The following RABGAP1L variants were observed in gnomAD, a reference collection of about 807,000 sequenced individuals.
The protein encoded by RABGAP1L is RAB GTPase activating protein 1 like.
In RABGAP1L, 63 loss-of-function variants were observed where a neutral mutation model predicts 137.7. The observed-to-expected ratio is 0.46, with a 90% CI of 0.37 to 0.56. RABGAP1L has a LOEUF of 0.56. Ranked by LOEUF, RABGAP1L falls within the 20% of genes least tolerant of loss-of-function variation. The pLI, the probability that RABGAP1L is intolerant of heterozygous loss-of-function variation, is 0.00. For synonymous variants in RABGAP1L, 431 were observed against 433.7 expected (o/e 0.99, Z 0.08); for missense variants, 1,095 against 1,244.0 (o/e 0.88, Z 1.80).
chr1:174,355,132 T>C (rs1356129067), intron 11 of RABGAP1L, among the ~76,000 whole-genome samples: 2 of 152,198 alleles, frequency 1.3e-5, no homozygotes, highest in African/African-American at 4.8e-5. Flanking sequence ...CAGAGGATTA[T>C]AAATCATACT....
chr1:174,533,829 C>T (rs1392374591), intron 13 of RABGAP1L, among the ~76,000 whole-genome samples: 2 of 152,036 alleles, frequency 1.3e-5, no homozygotes, highest in Non-Finnish European at 1.5e-5. Context: ...CGCCACCACA[C>T]CCAGCAAATT....
chr1:174,425,405 TG>T (rs532796453), intron 13 of RABGAP1L, among the ~76,000 whole-genome samples: 18 of 152,202 alleles, frequency 1.2e-4, no homozygotes, highest in Middle Eastern at 3.4e-3. Flanking sequence ...TGGGAGAAGC[TG>T]TGAATTTCTC....
intron 14 of RABGAP1L, among the ~76,000 whole-genome samples, chr1:174,654,949 A>ATT (rs11398019): frequency 1.3e-5 from 2 of 151,410 alleles, no homozygotes; most frequent in Non-Finnish European, 2.9e-5. Context: ...TTTTAAACTC[A>ATT]TTTTTTATGA....
At chr1:174,576,702 T>C (rs2148069264) in intron 13 of RABGAP1L, among the ~76,000 whole-genome samples, 1 of 152,354 alleles carries the variant, frequency 6.6e-6, no homozygotes, top group Admixed American at 6.5e-5. Context: ...TCACCTGATA[T>C]ATCACACTGC....
chr1:174,324,383 G>A (rs571496637), intron 11 of RABGAP1L, among the ~76,000 whole-genome samples: 1 of 152,242 alleles, frequency 6.6e-6, no homozygotes, highest in Admixed American at 6.5e-5. Flanking sequence ...TTAGGTAACT[G>A]GATGATCTTG....
intron 13 of RABGAP1L, among the ~76,000 whole-genome samples, chr1:174,590,124 T>A (rs1452394313): frequency 6.0e-5 from 1 of 16,716 alleles, no homozygotes; most frequent in African/African-American, 7.0e-4. Flanking sequence ...CTTCAGTTTC[T>A]TTTTTTTTTT....
chr1:174,619,353 G>A (rs563356019), intron 13 of RABGAP1L, among the ~76,000 whole-genome samples: 1 of 152,210 alleles, frequency 6.6e-6, no homozygotes, highest in Admixed American at 6.5e-5. Context: ...TCACCACAGT[G>A]GAAATGAAGG....
intron 9 of RABGAP1L, among the ~76,000 whole-genome samples, 198 bp downstream of exon 9, chr1:174,276,133 T>C (rs1674980280): frequency 6.6e-6 from 1 of 152,070 alleles, no homozygotes; most frequent in Non-Finnish European, 1.5e-5. Flanking sequence ...AAAAGATATG[T>C]GAATTATTAT....
At chr1:174,215,676 T>C (rs930621163) in intron 1 of RABGAP1L, among the ~76,000 whole-genome samples, 1 of 152,140 alleles carries the variant, frequency 6.6e-6, no homozygotes, top group Non-Finnish European at 1.5e-5. Context: ...CATTAACAAA[T>C]GCTAGTGAGG....
At chr1:174,783,058 C>T (rs1176435950) in intron 18 of RABGAP1L, among the ~76,000 whole-genome samples, 2 of 152,138 alleles carry the variant, frequency 1.3e-5, no homozygotes, top group African/African-American at 4.8e-5. Flanking sequence ...TGGAGCTGAG[C>T]TTTTGCTCAC....
intron 19 of RABGAP1L, among the ~76,000 whole-genome samples, chr1:174,846,397 A>C (rs1443572298): frequency 6.6e-6 from 1 of 150,930 alleles, no homozygotes; most frequent in Non-Finnish European, 1.5e-5. Context: ...CACTGCTTTG[A>C]ATGCCTCCCA....
At chr1:174,733,272 G>T (rs1413332818) in intron 17 of RABGAP1L, among the ~76,000 whole-genome samples, 1 of 152,164 alleles carries the variant, frequency 6.6e-6, no homozygotes, top group African/African-American at 2.4e-5. Context: ...AGGCTGCAGG[G>T]GTCAAGGAGA....
At position 174,761,361 on chromosome 1, in the gene RABGAP1L, C is replaced by T. The variant is rs1685201185; in HGVS notation, c.2211+9007C>T. ...TCCGGCAGAGGCGCTCCTCACTTGC[C>T]AGACAGTGCGGGGGCCAGGGAGAGG... On this transcript the variant is annotated intron_variant, in intron 18 of 25. Coordinates refer to ENST00000681986, the MANE Select transcript of RABGAP1L (RefSeq NM_001366446.1). This position sits in a 1 kb window ranked among gnomAD's most constrained non-coding sequence, Gnocchi z 4.0. 6.6e-6 allele frequency among the ~76,000 whole-genome samples: 1 copy of T among 152,218 alleles called. No homozygotes were observed. Among genetic ancestry groups the T allele is most frequent in the Non-Finnish European group, 1.5e-5 (1 of 68,040 alleles).
intron 18 of RABGAP1L, among the ~76,000 whole-genome samples, chr1:174,765,394 A>G (rs1685589056): frequency 1.3e-5 from 2 of 152,074 alleles, no homozygotes; most frequent in Admixed American, 6.6e-5. Flanking sequence ...TCCTTTGCCC[A>G]CTTTCTAATT....
At chr1:174,423,817 G>C (rs562532676) in intron 13 of RABGAP1L, among the ~76,000 whole-genome samples, 5 of 152,008 alleles carry the variant, frequency 3.3e-5, no homozygotes, top group African/African-American at 1.2e-4. Flanking sequence ...AACAACTTCT[G>C]TAGGTAATTT....
At chr1:174,327,515 G>A (rs74128349) in intron 11 of RABGAP1L, among the ~76,000 whole-genome samples, 6,900 of 151,756 alleles carry the variant, frequency 0.045, 223 homozygotes, top group Middle Eastern at 0.092. Context: ...CAAATAAAAA[G>A]TAAGAAATCA....
intron 1 of RABGAP1L, among the ~76,000 whole-genome samples, chr1:174,205,404 T>TC (rs1668436998): frequency 6.6e-6 from 1 of 152,128 alleles, no homozygotes; most frequent in African/African-American, 2.4e-5. Context: ...CAGCTGTGAA[T>TC]CCATCAGGTC....
At chr1:174,306,508 A>G (rs986737098) in intron 11 of RABGAP1L, among the ~76,000 whole-genome samples, 1 of 152,184 alleles carries the variant, frequency 6.6e-6, no homozygotes, top group African/African-American at 2.4e-5. Flanking sequence ...CATTTCTCTG[A>G]TGGCCAGTGA....
intron 4 of RABGAP1L, among the ~76,000 whole-genome samples, chr1:174,231,962 A>G (rs1670697116): frequency 6.6e-6 from 1 of 152,210 alleles, no homozygotes; most frequent in Non-Finnish European, 1.5e-5. Flanking sequence ...ATCCAAACCC[A>G]TATCAACAAT....
Sources: allele counts gnomAD v4.1 joint callset (sites outside exome capture counted in the v4.1 genomes callset), GRCh38; gene constraint gnomAD v4.1.1; non-coding constraint Gnocchi (gnomAD v3.1); transcripts MANE v1.5; gene names NCBI Gene and HGNC (gene_info 2026-07-23, HGNC 2026-07-21).